Variants in SMYD3 observed in about 807,000 individuals in gnomAD.
SMYD3 encodes SET and MYND domain containing 3, also known as histone-lysine N-methyltransferase SMYD3.
In SMYD3, 36 loss-of-function variants were observed where a neutral mutation model predicts 57.7. The observed-to-expected ratio is 0.62, with a 90% CI of 0.48 to 0.82. The LOEUF is 0.82. SMYD3 is among the 40% of genes least tolerant of loss of function. The pLI is 0.00. For synonymous variants in SMYD3, 211 were observed against 195.0 expected, an observed-to-expected ratio of 1.08 and a Z score of -0.68; for missense variants, 515 against 538.8, an observed-to-expected ratio of 0.96 and a Z score of 0.44.
intron 5 of SMYD3, among the ~76,000 whole-genome samples, chr1:246,054,768 G>A (rs766121507): frequency 4.0e-5 from 6 of 149,776 alleles, no homozygotes; most frequent in Admixed American, 1.3e-4. Flanking sequence ...TATATAGATG[G>A]CCATTTTTAT....
At chr1:246,015,133 C>T (rs1054316539) in intron 5 of SMYD3, among the ~76,000 whole-genome samples, 2 of 152,158 alleles carry the variant, frequency 1.3e-5, no homozygotes, top group African/African-American at 4.8e-5. Context: ...CTCCCTTTCC[C>T]CTAAGAAGAA....
chr1:246,056,350 G>C (rs577296113), intron 5 of SMYD3, among the ~76,000 whole-genome samples: 1 of 152,198 alleles, frequency 6.6e-6, no homozygotes, highest in African/African-American at 2.4e-5. Flanking sequence ...GTGCGGGCAG[G>C]GGGACATTCA....
At chr1:245,888,032 C>G (rs977984600) in intron 8 of SMYD3, among the ~76,000 whole-genome samples, 8 of 152,192 alleles carry the variant, frequency 5.3e-5, no homozygotes, top group Non-Finnish European at 8.8e-5. Flanking sequence ...AGTTAATGTT[C>G]AAGCTATAAA....
At chr1:245,823,284 C>G (rs1436719071) in intron 10 of SMYD3, among the ~76,000 whole-genome samples, 1 of 152,178 alleles carries the variant, frequency 6.6e-6, no homozygotes, top group Non-Finnish European at 1.5e-5. Flanking sequence ...CTCTGCCCTT[C>G]CCCCAAGCTT....
At position 246,279,795 on chromosome 1, in the gene SMYD3, C is replaced by T. The variant is rs180909004; in HGVS notation, c.531+47406G>A. Among the ~76,000 whole-genome samples the T allele has an allele frequency of 1.2e-3, 176 of 152,290 alleles. 1 individual carries two copies. The highest frequency in any genetic ancestry group is 3.9e-3 in the African/African-American group (162 of 41,548). On this transcript the variant is annotated intron_variant, in intron 5 of 11. Transcript: ENST00000490107. ...GCCCTGCCTGTGACGCATCACACAA[C>T]TTCTCTATAAAACAAGGCTTTATGA...
In SMYD3 at chr1:246,411,565, G is replaced by C. The variant is rs1479496274; in HGVS notation, c.165-56471C>G. Among the ~76,000 whole-genome samples the C allele has an allele frequency of 9.2e-5, 14 of 152,234 alleles. No homozygotes were observed. The South Asian group carries it at 2.3e-3, about 25-fold the overall frequency. On this transcript the variant is annotated intron_variant, in intron 1 of 11. Transcript: ENST00000490107. ...GCACTATTCACAATAGCAAAGACTT[G>C]GAACGAAGCCAAATGTCCAACAATG... is the stretch of plus-strand genomic sequence containing the variant.
chr1:245,817,513 G>T (rs1462172755), intron 10 of SMYD3, among the ~76,000 whole-genome samples: 1 of 152,130 alleles, frequency 6.6e-6, no homozygotes, highest in African/African-American at 2.4e-5. Flanking sequence ...AAGGAACGCA[G>T]TTCCTCACCA....
At chr1:245,776,880 G>T (rs1015455512) in intron 10 of SMYD3, among the ~76,000 whole-genome samples, 1 of 152,206 alleles carries the variant, frequency 6.6e-6, no homozygotes, top group African/African-American at 2.4e-5. Context: ...ATAAGGTTTC[G>T]TTGGGACACA....
chr1:246,062,698 AC>A (rs1216527108), intron 5 of SMYD3, among the ~76,000 whole-genome samples: 2 of 152,172 alleles, frequency 1.3e-5, no homozygotes, highest in African/African-American at 4.8e-5. Context: ...TGTATTTATA[AC>A]CCCTTTGAAC....
chr1:246,283,659 T>C (rs1277689836), intron 5 of SMYD3, among the ~76,000 whole-genome samples: 1 of 152,240 alleles, frequency 6.6e-6, no homozygotes, highest in East Asian at 1.9e-4. Context: ...TAATGACACT[T>C]GCTTCTGTGA....
intron 5 of SMYD3, among the ~76,000 whole-genome samples, chr1:245,971,448 A>T (rs962427002): frequency 0.11 from 14 of 128 alleles, no homozygotes; most frequent in Middle Eastern, 0.5. Flanking sequence ...AGTATAATTA[A>T]AAAAAAAAAT....
In SMYD3 at chr1:245,977,398, G is replaced by A. The variant is rs375695585; in HGVS notation, c.532-47461C>T. 2.1e-3 allele frequency among the ~76,000 whole-genome samples: 317 copies of A among 152,246 alleles called. 6 individuals are homozygous for A. In the South Asian group the frequency reaches 0.06, roughly 29 times the overall value. On this transcript the variant is annotated intron_variant, in intron 5 of 11. Coordinates refer to ENST00000490107, the MANE Select transcript of SMYD3 (RefSeq NM_001167740.2). ...CTTAATCACAAAACCGAAAGGAGGG[G>A]CCACGCACGGTGGCTCACACCTGTA... is the stretch of plus-strand genomic sequence containing the variant.
chr1:245,756,234 T>G (rs1240660957), intron 11 of SMYD3, among the ~76,000 whole-genome samples: 1 of 150,964 alleles, frequency 6.6e-6, no homozygotes, highest in Non-Finnish European at 1.5e-5. Flanking sequence ...GTGTCATCAT[T>G]TTACCCATTG....
At chr1:246,495,399 C>A (rs2068344825) in intron 1 of SMYD3, among the ~76,000 whole-genome samples, 1 of 137,030 alleles carries the variant, frequency 7.3e-6, no homozygotes, top group African/African-American at 2.7e-5. Flanking sequence ...ACACTCCAGA[C>A]AAATTAAATG....
In SMYD3 at chr1:246,391,116, T is replaced by C. The variant is rs528628957; in HGVS notation, c.165-36022A>G. Among the ~76,000 whole-genome samples, 58 of 151,596 alleles carry C rather than the reference T, an allele frequency of 3.8e-4. 1 individual carries two copies. Among genetic ancestry groups the C allele is most frequent in the African/African-American group, 1.3e-3 (55 of 41,262 alleles). ...AAAAGCAAGCTTCAGCTGGGTGCGA[T>C]GGCTCATGTCTATAATTTCAACACT... On this transcript the variant is annotated intron_variant, in intron 1 of 11. Transcript: ENST00000490107.
At chr1:246,477,555 C>T (rs550023831) in intron 1 of SMYD3, among the ~76,000 whole-genome samples, 3 of 152,188 alleles carry the variant, frequency 2.0e-5, no homozygotes, top group Admixed American at 6.5e-5. Context: ...GTGTGACCTA[C>T]GGGCAGATTT....
At chr1:246,031,220 G>A (rs927908036) in intron 5 of SMYD3, among the ~76,000 whole-genome samples, 2 of 152,042 alleles carry the variant, frequency 1.3e-5, no homozygotes, top group Non-Finnish European at 2.9e-5. Flanking sequence ...CCATTGATAC[G>A]ATAATCATTA....
chr1:246,152,801 T>A (rs1413732641), intron 5 of SMYD3, among the ~76,000 whole-genome samples: 2 of 152,196 alleles, frequency 1.3e-5, no homozygotes, highest in Non-Finnish European at 2.9e-5. Context: ...AGATTTAACC[T>A]TTCTCAGCCA....
At chr1:245,787,117 A>G (rs921847656) in intron 10 of SMYD3, among the ~76,000 whole-genome samples, 2 of 152,222 alleles carry the variant, frequency 1.3e-5, no homozygotes, top group Non-Finnish European at 2.9e-5. Flanking sequence ...ACTTTTCAAG[A>G]TCACACATCA....
Sources: allele counts gnomAD v4.1 joint callset (sites outside exome capture counted in the v4.1 genomes callset), GRCh38; gene constraint gnomAD v4.1.1; transcripts MANE v1.5; gene names NCBI Gene and HGNC (gene_info 2026-07-23, HGNC 2026-07-21).